The following CNTNAP2 variants were observed in gnomAD, a reference collection of about 807,000 sequenced individuals.
The protein encoded by CNTNAP2 is contactin-associated protein-like 2.
CNTNAP2 carries 98 observed loss-of-function variants against 155.2 expected under a neutral mutation model. The ratio of observed to expected loss-of-function variants is 0.63; its 90% CI spans 0.54 to 0.75. The LOEUF is 0.75. Ranked by LOEUF, CNTNAP2 falls within the 30% of genes least tolerant of loss-of-function variation. The pLI, the probability that CNTNAP2 is intolerant of heterozygous loss-of-function variation, is 0.00. For synonymous variants in CNTNAP2, 651 were observed against 631.2 expected, an observed-to-expected ratio of 1.03 and a Z score of -0.47; for missense variants, 1,727 against 1,688.1, an observed-to-expected ratio of 1.02 and a Z score of -0.40.
intron 1 of CNTNAP2, among the ~76,000 whole-genome samples, chr7:146,332,890 T>C (rs1326592865): frequency 3.3e-5 from 5 of 151,494 alleles, no homozygotes; most frequent in Non-Finnish European, 7.4e-5. Flanking sequence ...ATTAAAGTGC[T>C]CCCAGAGGGA....
chr7:146,600,845 T>G (rs938313702), intron 1 of CNTNAP2, among the ~76,000 whole-genome samples: 4 of 152,170 alleles, frequency 2.6e-5, no homozygotes, highest in Admixed American at 1.3e-4. Context: ...TATACTGAAA[T>G]ATATTGCTCT....
intron 10 of CNTNAP2, among the ~76,000 whole-genome samples, chr7:147,480,864 G>A (rs1798409622): frequency 6.6e-6 from 1 of 152,160 alleles, no homozygotes; most frequent in South Asian, 2.1e-4. Flanking sequence ...ACCTTGTTAG[G>A]ATCTCAGAAT....
chr7:148,287,732 A>G (rs2116474084), intron 21 of CNTNAP2, among the ~76,000 whole-genome samples: 1 of 151,334 alleles, frequency 6.6e-6, no homozygotes, highest in South Asian at 2.1e-4. Flanking sequence ...AGGGCATCAC[A>G]TGGTGAGAAG....
intron 1 of CNTNAP2, among the ~76,000 whole-genome samples, chr7:146,314,944 C>A (rs563154320): frequency 1.1e-4 from 16 of 152,308 alleles, no homozygotes; most frequent in African/African-American, 3.8e-4. Context: ...GGAGAAGGCA[C>A]AGGAGTGCTG....
chr7:147,306,934 TAAAAG>T (rs1795040541), intron 9 of CNTNAP2, among the ~76,000 whole-genome samples: 1 of 152,156 alleles, frequency 6.6e-6, no homozygotes, highest in South Asian at 2.1e-4. Context: ...AGAGTGCAAT[TAAAAG>T]AAGAAAAAAA....
intron 13 of CNTNAP2, among the ~76,000 whole-genome samples, chr7:147,877,724 G>GTT (rs201431489): frequency 6.7e-6 from 1 of 149,634 alleles, no homozygotes; most frequent in African/African-American, 2.5e-5. Context: ...GGTTGTGTCT[G>GTT]GTTTTTTTTC....
chr7:147,167,500 C>A, intron 8 of CNTNAP2: 2 of 866,574 alleles, frequency 2.3e-6, no homozygotes, highest in Admixed American at 2.1e-5. Flanking sequence ...GCCATGGACC[C>A]AGCTTTGACA....
At chr7:146,418,588 G>A (rs1020703951) in intron 1 of CNTNAP2, among the ~76,000 whole-genome samples, 7 of 152,050 alleles carry the variant, frequency 4.6e-5, no homozygotes, top group Non-Finnish European at 7.4e-5. Flanking sequence ...TACATAATGC[G>A]TATTTATTTT....
intron 1 of CNTNAP2, among the ~76,000 whole-genome samples, chr7:146,748,462 T>A (rs1324199977): frequency 6.6e-6 from 1 of 152,062 alleles, no homozygotes; most frequent in East Asian, 1.9e-4. Context: ...TATATGGTTT[T>A]TAAGGATCTT....
At chr7:146,362,620 G>A (rs1268880352) in intron 1 of CNTNAP2, among the ~76,000 whole-genome samples, 1 of 152,112 alleles carries the variant, frequency 6.6e-6, no homozygotes, top group African/African-American at 2.4e-5. Context: ...AGGGAAAGTT[G>A]GTGTCAGGTC....
At chr7:147,806,090 C>T (rs1346397958) in intron 13 of CNTNAP2, among the ~76,000 whole-genome samples, 1 of 152,070 alleles carries the variant, frequency 6.6e-6, no homozygotes, top group Admixed American at 6.5e-5. Context: ...AAAATATTTG[C>T]AAACTATTCA....
chr7:147,120,910 A>G, intron 5 of CNTNAP2, 69 bp from the exon 6 acceptor site: 1 of 1,445,110 alleles, frequency 6.9e-7, no homozygotes, highest in Non-Finnish European at 9.7e-7. Flanking sequence ...TGTAAATGAA[A>G]GATCTTCTGC....
chr7:146,400,414 T>G (rs1434744578), intron 1 of CNTNAP2, among the ~76,000 whole-genome samples: 1 of 152,204 alleles, frequency 6.6e-6, no homozygotes, highest in Admixed American at 6.5e-5. Context: ...GCATGAGGAC[T>G]TGATGGAAAA....
intron 1 of CNTNAP2, among the ~76,000 whole-genome samples, chr7:146,502,255 A>ATG (rs1563109734): frequency 1.9e-5 from 2 of 103,554 alleles, no homozygotes; most frequent in African/African-American, 8.9e-5. Context: ...ATATATATAT[A>ATG]TATATGTCAT....
chr7:147,209,379 A>G (rs995678015), intron 8 of CNTNAP2, among the ~76,000 whole-genome samples: 1 of 151,920 alleles, frequency 6.6e-6, no homozygotes, highest in Non-Finnish European at 1.5e-5. Context: ...CATTTCCTTG[A>G]TTTGGCTCTG....
chr7:148,060,697 G>A (rs569305670), intron 15 of CNTNAP2, among the ~76,000 whole-genome samples: 56 of 152,260 alleles, frequency 3.7e-4, no homozygotes, highest in African/African-American at 1.1e-3. Flanking sequence ...TCACTTCCAT[G>A]TGTTCAATAT....
intron 1 of CNTNAP2, among the ~76,000 whole-genome samples, chr7:146,742,966 A>G (rs564618078): frequency 6.6e-6 from 1 of 152,306 alleles, no homozygotes; most frequent in African/African-American, 2.4e-5. Context: ...TTTTAAAAAA[A>G]GTATAGAACT....
intron 21 of CNTNAP2, among the ~76,000 whole-genome samples, chr7:148,340,329 G>A (rs193119453): frequency 1.2e-3 from 186 of 152,240 alleles, no homozygotes; most frequent in Non-Finnish European, 2.3e-3. Flanking sequence ...ACATCCCGAG[G>A]GAAGATAAAG....
chr7:146,939,365 C>T (rs1796997594), intron 3 of CNTNAP2, among the ~76,000 whole-genome samples: 1 of 152,154 alleles, frequency 6.6e-6, no homozygotes, highest in East Asian at 1.9e-4. Flanking sequence ...TTCAATATAG[C>T]AAATGTGCCT....
Sources: allele counts gnomAD v4.1 joint callset (sites outside exome capture counted in the v4.1 genomes callset), GRCh38; gene constraint gnomAD v4.1.1; transcripts MANE v1.5; gene names NCBI Gene and HGNC (gene_info 2026-07-23, HGNC 2026-07-21).